Variants in FAM78B observed in about 807,000 individuals in gnomAD.
FAM78B encodes protein FAM78B.
A neutral mutation model predicts 20.0 loss-of-function variants in FAM78B; 10 were observed. The observed-to-expected ratio is 0.50, with a 90% CI of 0.31 to 0.85. The LOEUF (loss-of-function observed/expected upper bound fraction) is 0.85. Among genes scored for constraint, FAM78B ranks in the 40% least tolerant of loss-of-function variants. The pLI, the probability that FAM78B is intolerant of heterozygous loss-of-function variation, is 0.05. For synonymous variants in FAM78B, 135 were observed against 132.8 expected (o/e 1.02, Z -0.12); for missense variants, 283 against 345.0 (o/e 0.82, Z 1.42).
downstream of FAM78B, among the ~76,000 whole-genome samples, chr1:166,069,222 T>C (rs4399131): frequency 0.99 from 150,724 of 152,316 alleles, 74,586 homozygotes; most frequent in Middle Eastern, 1. Flanking sequence ...TGTGTGCATG[T>C]GTGCATGTGT....
intron 1 of FAM78B, among the ~76,000 whole-genome samples, chr1:166,165,383 A>C (rs1321238150): frequency 6.6e-6 from 1 of 152,120 alleles, no homozygotes; most frequent in Non-Finnish European, 1.5e-5. Flanking sequence ...GGGGGCGCGG[A>C]AACAGAGAGG....
chr1:166,071,020 A>T (rs906495809), intron 1 of FAM78B, among the ~76,000 whole-genome samples: 1 of 152,220 alleles, frequency 6.6e-6, no homozygotes, highest in African/African-American at 2.4e-5. Flanking sequence ...AAGCTCAAAA[A>T]GGCAGTTGTG....
intron 1 of FAM78B, among the ~76,000 whole-genome samples, chr1:166,105,296 C>G (rs1438131528): frequency 6.6e-6 from 1 of 152,134 alleles, no homozygotes; most frequent in African/African-American, 2.4e-5. Context: ...TAGGCATGGG[C>G]AAGGACTTCA....
intron 1 of FAM78B, among the ~76,000 whole-genome samples, chr1:166,162,695 G>A (rs1254694237): frequency 6.6e-6 from 1 of 152,204 alleles, no homozygotes; most frequent in African/African-American, 2.4e-5. Context: ...GTCTGGTCAA[G>A]ATCTGACTTT....
At chr1:166,154,613 C>G (rs922112867) in intron 1 of FAM78B, 4 of 443,678 alleles carry the variant, frequency 9.0e-6, no homozygotes, top group Non-Finnish European at 9.4e-6. Flanking sequence ...GCCTGAAGAC[C>G]TGGACCCTCA....
chr1:166,161,591 A>G (rs1215127573), intron 1 of FAM78B, among the ~76,000 whole-genome samples: 2 of 152,240 alleles, frequency 1.3e-5, no homozygotes, highest in Non-Finnish European at 1.5e-5. Context: ...AACAGGTGAC[A>G]GTTAATGGTG....
chr1:166,079,989 T>G (rs1416042508), intron 1 of FAM78B, among the ~76,000 whole-genome samples: 1 of 152,192 alleles, frequency 6.6e-6, no homozygotes, highest in Non-Finnish European at 1.5e-5. Context: ...ACCCTTACAA[T>G]CAGTGTCACG....
In FAM78B at chr1:166,107,595, G is replaced by C. The variant is rs182138753; in HGVS notation, c.264-36832C>G. ...AAGAAGCATTGGTACCAGTCCTTTT[G>C]ATACTATTCCACAAGATGGAGAAGG... On this transcript the variant is annotated intron_variant, in intron 1 of 1. Coordinates refer to ENST00000354422, the MANE Select transcript of FAM78B (RefSeq NM_001017961.5). Among the ~76,000 whole-genome samples, 239 of 152,186 alleles carry C rather than the reference G, an allele frequency of 1.6e-3. 1 individual carries two copies. The highest frequency in any genetic ancestry group is 5.4e-3 in the African/African-American group (225 of 41,536).
rs76093378 is a variant in FAM78B, at chr1:166,071,363, A to G, written c.264-600T>C. On this transcript the variant is annotated intron_variant, in intron 1 of 1. Coordinates refer to ENST00000354422, the MANE Select transcript of FAM78B (RefSeq NM_001017961.5). ...AGAAAATCATGGTCATCTTCTGGAA[A>G]CCATCTGAATGTGAAAGTTGTTCTA... Among the ~76,000 whole-genome samples, 713 of 152,328 alleles carry G rather than the reference A, an allele frequency of 4.7e-3. 3 individuals are homozygous for G. The highest frequency in any genetic ancestry group is 6.3e-3 in the Non-Finnish European group (429 of 68,030).
At chr1:166,071,021 G>C (rs1652006197) in intron 1 of FAM78B, among the ~76,000 whole-genome samples, 1 of 152,166 alleles carries the variant, frequency 6.6e-6, no homozygotes, top group Non-Finnish European at 1.5e-5. Flanking sequence ...AGCTCAAAAA[G>C]GCAGTTGTGA....
At chr1:166,110,890 C>A (rs1403025120) in intron 1 of FAM78B, among the ~76,000 whole-genome samples, 1 of 152,128 alleles carries the variant, frequency 6.6e-6, no homozygotes, top group East Asian at 1.9e-4. Flanking sequence ...CATATATTGG[C>A]ACTATATAAT....
At chr1:166,081,554 CCCTTA>C (rs1176640616) in intron 1 of FAM78B, among the ~76,000 whole-genome samples, 1 of 152,168 alleles carries the variant, frequency 6.6e-6, no homozygotes, top group Non-Finnish European at 1.5e-5. Context: ...CAGGCTGTGT[CCCTTA>C]CAAGGGTCGT....
rs532230932 is a variant in FAM78B at position 166,069,542 on chromosome 1, T to C, written c.*699A>G. On this transcript the variant is annotated 3_prime_UTR_variant, in exon 2 of 2. Transcript: ENST00000354422. ...TTAAAAATACTCTGAATAAGCAATCTTTTTGGAAAGAGGTGGGTAGACGGA... is the reference window on the plus strand; with the variant it reads ...TTAAAAATACTCTGAATAAGCAATCCTTTTGGAAAGAGGTGGGTAGACGGA... The C allele has an allele frequency of 6.6e-6, 1 of 152,278 alleles. No individual in the cohort carries two copies. The highest frequency in any genetic ancestry group is 2.4e-5 in the African/African-American group (1 of 41,558). The allele number at this position is 152,278 out of a possible 1,614,324, so 9.4% of individuals were successfully genotyped here.
intron 1 of FAM78B, among the ~76,000 whole-genome samples, chr1:166,095,662 T>C (rs909431138): frequency 6.6e-6 from 1 of 152,034 alleles, no homozygotes; most frequent in Non-Finnish European, 1.5e-5. Context: ...CCTCTCCTCA[T>C]CCTGCCAAAA....
chr1:166,094,172 AC>A (rs1258602243), intron 1 of FAM78B, among the ~76,000 whole-genome samples: 1 of 152,110 alleles, frequency 6.6e-6, no homozygotes, highest in Non-Finnish European at 1.5e-5. Flanking sequence ...AGCCATCAGA[AC>A]AGATAGCACT....
intron 1 of FAM78B, among the ~76,000 whole-genome samples, chr1:166,163,091 G>C (rs1394947674): frequency 6.6e-6 from 1 of 152,208 alleles, no homozygotes; most frequent in Non-Finnish European, 1.5e-5. Context: ...CTTTGGTGCT[G>C]CTGCCTGCAC....
chr1:166,090,893 A>ACTT (rs1437472262), intron 1 of FAM78B, among the ~76,000 whole-genome samples: 2 of 152,148 alleles, frequency 1.3e-5, no homozygotes, highest in Non-Finnish European at 2.9e-5. Context: ...TGCTCATGGC[A>ACTT]CTTCACATGC....
In FAM78B at chr1:166,070,189, C is replaced by G; in HGVS notation, c.*52G>C. On this transcript the variant is annotated 3_prime_UTR_variant, in exon 2 of 2. Transcript: ENST00000354422. The stretch of plus-strand genomic sequence containing the variant: ...TGGCTCCTGCCACCCCTGGCACCCT[C>G]ACTGCATGTCTCAGAGGCGTGTGAT... The G allele has an allele frequency of 6.9e-7, 1 of 1,451,638 alleles. No homozygotes were observed. Among genetic ancestry groups the G allele is most frequent in the Non-Finnish European group, 9.1e-7 (1 of 1,097,458 alleles). 89.9% of individuals were successfully genotyped at this position (1,451,638 alleles called of 1,614,324 possible). A position where few individuals can be genotyped will look rare whatever the true frequency, so the allele number is the denominator to read the frequency against.
chr1:166,136,245 G>C (rs528436569), intron 1 of FAM78B, among the ~76,000 whole-genome samples: 2 of 152,292 alleles, frequency 1.3e-5, no homozygotes, highest in South Asian at 4.2e-4. Context: ...GATTTAATAA[G>C]AGTTCAATCT....
Sources: allele counts gnomAD v4.1 joint callset (sites outside exome capture counted in the v4.1 genomes callset), GRCh38; gene constraint gnomAD v4.1.1; transcripts MANE v1.5; gene names NCBI Gene and HGNC (gene_info 2026-07-23, HGNC 2026-07-21).